DPP6: variants seen among roughly 807,000 people sequenced by gnomAD.
DPP6 encodes dipeptidyl peptidase like 6, also known as A-type potassium channel modulatory protein DPP6.
Under a neutral mutation model 122.6 loss-of-function variants are expected in DPP6, and 69 were observed. The observed-to-expected ratio is 0.56, with a 90% CI of 0.46 to 0.69. The LOEUF is 0.69. Ranked by LOEUF, DPP6 falls within the 30% of genes least tolerant of loss-of-function variation. The pLI is 0.00. For synonymous variants in DPP6, 418 were observed against 433.1 expected (o/e 0.97, Z 0.43); for missense variants, 928 against 1,116.9 (o/e 0.83, Z 2.41).
the DPP6 span, among the ~76,000 whole-genome samples, chr7:153,766,863 G>T: frequency 4.6e-5 from 7 of 152,096 alleles, no homozygotes; most frequent in Non-Finnish European, 7.3e-5. Context: ...TAGTGATTCT[G>T]TATCAATGAA....
At chr7:154,338,551 T>G (rs536350066) in intron 1 of DPP6, among the ~76,000 whole-genome samples, 2 of 152,322 alleles carry the variant, frequency 1.3e-5, no homozygotes, top group African/African-American at 4.8e-5. Context: ...TATGAGAGTC[T>G]GCATCCTTCC....
At chr7:154,090,417 C>A (rs1327761156) in intron 1 of DPP6, among the ~76,000 whole-genome samples, 1 of 152,178 alleles carries the variant, frequency 6.6e-6, no homozygotes, top group Non-Finnish European at 1.5e-5. Flanking sequence ...TTTAAATCCT[C>A]TTGCATTTAG....
intron 25 of DPP6, chr7:154,889,772 G>A (rs955553693): frequency 2.2e-5 from 13 of 596,942 alleles, no homozygotes; most frequent in African/African-American, 3.7e-5. Context: ...CCATCTCCCC[G>A]TACTCCCACC....
chr7:154,825,198 G>T (rs1332195830), intron 16 of DPP6, among the ~76,000 whole-genome samples: 1 of 152,116 alleles, frequency 6.6e-6, no homozygotes, highest in Non-Finnish European at 1.5e-5. Flanking sequence ...TACTCACTTG[G>T]TCATTAAGAA....
At chr7:154,445,777 TAAAAA>T (rs33926357) in intron 1 of DPP6, among the ~76,000 whole-genome samples, 1 of 147,828 alleles carries the variant, frequency 6.8e-6, no homozygotes, top group Admixed American at 6.7e-5. Context: ...CACATGGATG[TAAAAA>T]AAAAAAAAGG....
intron 1 of DPP6, among the ~76,000 whole-genome samples, chr7:154,210,734 G>A (rs1799694775): frequency 6.6e-6 from 1 of 151,910 alleles, no homozygotes; most frequent in South Asian, 2.1e-4. Context: ...GAAAATTGAG[G>A]TCTGTCCAGG....
intron 1 of DPP6, among the ~76,000 whole-genome samples, chr7:154,076,103 G>A (rs1350490595): frequency 1.3e-5 from 2 of 151,870 alleles, no homozygotes; most frequent in African/African-American, 4.8e-5. Context: ...CTGTGATGAA[G>A]TCAGAAGCTT....
the DPP6 span, among the ~76,000 whole-genome samples, chr7:153,825,878 C>G: frequency 6.6e-6 from 1 of 152,094 alleles, no homozygotes; most frequent in Middle Eastern, 3.2e-3. Flanking sequence ...CATTTTTCTA[C>G]CTTCTGTGTC....
rs147056469 is a variant in DPP6 at position 154,170,697 on chromosome 7, C to T, written c.243+117634C>T. On this transcript the variant is annotated intron_variant, in intron 1 of 25. Coordinates refer to ENST00000377770, the MANE Select transcript of DPP6 (RefSeq NM_130797.4). ...ATGAAACAGGACGCAAGGACTGTGC[C>T]CCTGGTATGGGAAGGGAAGGAGGAG... Among the ~76,000 whole-genome samples the T allele has an allele frequency of 2.4e-3, 359 of 152,306 alleles. 1 individual carries two copies. Among genetic ancestry groups the T allele is most frequent in the Middle Eastern group, 6.8e-3 (2 of 294 alleles).
At chr7:154,609,788 A>G (rs1833794331) in intron 5 of DPP6, among the ~76,000 whole-genome samples, 1 of 152,102 alleles carries the variant, frequency 6.6e-6, no homozygotes, top group Non-Finnish European at 1.5e-5. Context: ...AGTTATTTCT[A>G]CTTTACCTCT....
chr7:153,782,648 A>G, the DPP6 span, among the ~76,000 whole-genome samples: 1 of 152,152 alleles, frequency 6.6e-6, no homozygotes, highest in Admixed American at 6.5e-5. Flanking sequence ...CTGGAGAAGG[A>G]GTGAGGAAAG....
chr7:154,304,877 G>A (rs1485545896), intron 1 of DPP6, among the ~76,000 whole-genome samples: 2 of 152,182 alleles, frequency 1.3e-5, no homozygotes. Flanking sequence ...CCCTGTCCAG[G>A]TACGCGCTGT....
the DPP6 span, among the ~76,000 whole-genome samples, chr7:153,861,007 C>A: frequency 6.6e-6 from 1 of 152,036 alleles, no homozygotes; most frequent in Non-Finnish European, 1.5e-5. Context: ...TTTTTATTAC[C>A]CTTCCCCATA....
At chr7:154,061,727 A>C (rs1003267011) in intron 1 of DPP6, among the ~76,000 whole-genome samples, 901 of 58,788 alleles carry the variant, frequency 0.015, 2 homozygotes, top group Non-Finnish European at 0.019. Flanking sequence ...CGAGGCGGGG[A>C]CTGCGAACCT....
intron 1 of DPP6, among the ~76,000 whole-genome samples, chr7:154,134,166 C>T (rs1321764444): frequency 2.0e-5 from 3 of 152,088 alleles, no homozygotes; most frequent in Admixed American, 2.0e-4. Context: ...AGGGGAATGC[C>T]GAGGATGTGC....
intron 6 of DPP6, among the ~76,000 whole-genome samples, chr7:154,664,690 C>A (rs1333996119): frequency 1.4e-5 from 2 of 147,626 alleles, no homozygotes; most frequent in Non-Finnish European, 3.0e-5. Context: ...AAATCAAGAT[C>A]ACAGTATGTT....
At chr7:154,791,171 G>C (rs1300511170) in intron 10 of DPP6, among the ~76,000 whole-genome samples, 1 of 152,120 alleles carries the variant, frequency 6.6e-6, no homozygotes, top group Admixed American at 6.5e-5. Flanking sequence ...AGAATCGCTT[G>C]AACCTGGGAG....
chr7:154,189,975 G>A (rs759180913), intron 1 of DPP6, among the ~76,000 whole-genome samples: 4 of 152,106 alleles, frequency 2.6e-5, no homozygotes, highest in Non-Finnish European at 5.9e-5. Flanking sequence ...TTTAGAGAAC[G>A]TTCTTAGTTT....
intron 1 of DPP6, among the ~76,000 whole-genome samples, chr7:154,259,210 A>G (rs1180532738): frequency 1.3e-5 from 2 of 152,222 alleles, no homozygotes; most frequent in South Asian, 2.1e-4. Context: ...CAAATCACAC[A>G]TATGCGAACA....
Sources: allele counts gnomAD v4.1 joint callset (sites outside exome capture counted in the v4.1 genomes callset), GRCh38; gene constraint gnomAD v4.1.1; transcripts MANE v1.5; gene names NCBI Gene and HGNC (gene_info 2026-07-23, HGNC 2026-07-21).